Variants in DLG2 observed in about 807,000 individuals in gnomAD.
DLG2 encodes the protein discs large MAGUK scaffold protein 2.
In DLG2, 45 loss-of-function variants were observed where a neutral mutation model predicts 132.5. The observed-to-expected ratio is 0.34, with a 90% confidence interval of 0.27 to 0.44. The LOEUF is 0.44. Among genes scored for constraint, DLG2 ranks in the 20% least tolerant of loss-of-function variants. The pLI, the probability that DLG2 is intolerant of heterozygous loss-of-function variation, is 1.00. For missense variants in DLG2, 1,045 were observed against 1,196.9 expected, an observed-to-expected ratio of 0.87 and a Z score of 1.87; for synonymous variants, 424 against 419.6, an observed-to-expected ratio of 1.01 and a Z score of -0.13.
intron 6 of DLG2, among the ~76,000 whole-genome samples, chr11:84,827,538 G>A (rs190530402): frequency 6.5e-4 from 98 of 151,602 alleles, no homozygotes; most frequent in African/African-American, 2.2e-3. Context: ...ACTGGGTATA[G>A]GAGATGAAAT....
intron 10 of DLG2, among the ~76,000 whole-genome samples, chr11:84,082,819 T>A (rs7928597): frequency 2.0e-4 from 30 of 152,170 alleles, no homozygotes; most frequent in African/African-American, 6.0e-4. Context: ...GAATGGTAGC[T>A]ATCATTAGTT....
intron 6 of DLG2, among the ~76,000 whole-genome samples, chr11:84,749,947 C>T (rs931522087): frequency 6.6e-6 from 1 of 152,104 alleles, no homozygotes; most frequent in African/African-American, 2.4e-5. Context: ...ATCCAAAATA[C>T]CTAGAAGAGT....
chr11:84,778,041 A>G (rs2071014505), intron 6 of DLG2, among the ~76,000 whole-genome samples: 1 of 152,118 alleles, frequency 6.6e-6, no homozygotes, highest in Non-Finnish European at 1.5e-5. Context: ...ACCGATATCC[A>G]GAAGAGTTTT....
intron 2 of DLG2, among the ~76,000 whole-genome samples, chr11:85,619,741 G>A (rs1391301955): frequency 3.9e-5 from 6 of 152,100 alleles, no homozygotes; most frequent in Admixed American, 2.0e-4. Flanking sequence ...GGCTGAGCCA[G>A]GAGAATCGCC....
chr11:85,039,118 G>A (rs939871948), intron 6 of DLG2, among the ~76,000 whole-genome samples: 5 of 151,840 alleles, frequency 3.3e-5, no homozygotes, highest in African/African-American at 7.2e-5. Context: ...GTCAGACATT[G>A]TTTATCCTAA....
chr11:83,592,299 A>G (rs1233519126), intron 19 of DLG2, among the ~76,000 whole-genome samples: 4 of 150,092 alleles, frequency 2.7e-5, no homozygotes, highest in Non-Finnish European at 5.9e-5. Flanking sequence ...ACAGAGATAT[A>G]GATCAATGGA....
intron 15 of DLG2, among the ~76,000 whole-genome samples, chr11:83,927,955 G>GAACA (rs1252736790): frequency 6.6e-6 from 1 of 152,130 alleles, no homozygotes; most frequent in Non-Finnish European, 1.5e-5. Flanking sequence ...CAATGCGGTA[G>GAACA]ATGTGTGTGC....
At chr11:84,071,119 G>A (rs2096750037) in intron 10 of DLG2, among the ~76,000 whole-genome samples, 1 of 151,964 alleles carries the variant, frequency 6.6e-6, no homozygotes, top group Admixed American at 6.6e-5. Flanking sequence ...TTTGAGAAGG[G>A]TCTCATTCTG....
chr11:84,163,622 C>A, intron 8 of DLG2, 111 bp from the exon 9 acceptor site: 1 of 822,162 alleles, frequency 1.2e-6, no homozygotes, highest in Non-Finnish European at 1.9e-6. Flanking sequence ...CTATAAATAA[C>A]CACATTTTCT....
intron 27 of DLG2, among the ~76,000 whole-genome samples, chr11:83,460,310 C>T (rs542318313): frequency 3.3e-5 from 5 of 152,236 alleles, no homozygotes; most frequent in African/African-American, 9.6e-5. Flanking sequence ...AGAAAACTGG[C>T]CTTACAGTCT....
At chr11:83,972,548 C>T (rs1310260446) in intron 12 of DLG2, among the ~76,000 whole-genome samples, 1 of 152,070 alleles carries the variant, frequency 6.6e-6, no homozygotes, top group Non-Finnish European at 1.5e-5. Flanking sequence ...ATGATCTTCT[C>T]AAGGGCAACT....
intron 7 of DLG2, among the ~76,000 whole-genome samples, chr11:84,502,229 T>TCCTTCCTTCCTTC: frequency 4.2e-5 from 1 of 23,846 alleles, no homozygotes; most frequent in African/African-American, 6.2e-4. Flanking sequence ...CTTCCTTCCT[T>TCCTTCCTTCCTTC]CCTTCCTTCC....
chr11:83,759,934 C>T (rs1483921718), intron 18 of DLG2, among the ~76,000 whole-genome samples: 1 of 152,162 alleles, frequency 6.6e-6, no homozygotes, highest in African/African-American at 2.4e-5. Context: ...AAAACGGAAT[C>T]TTGAAGCTCC....
chr11:83,584,447 A>G (rs2097046047), intron 19 of DLG2, among the ~76,000 whole-genome samples: 1 of 152,218 alleles, frequency 6.6e-6, no homozygotes, highest in Admixed American at 6.5e-5. Context: ...GAATAACTTA[A>G]GGTCTATGTG....
chr11:85,033,655 A>T (rs971892680), intron 6 of DLG2, among the ~76,000 whole-genome samples: 1 of 152,224 alleles, frequency 6.6e-6, no homozygotes, highest in South Asian at 2.1e-4. Flanking sequence ...ACTCAGATTC[A>T]TAATTGTTTG....
intron 3 of DLG2, among the ~76,000 whole-genome samples, chr11:85,525,567 C>A (rs2074679408): frequency 6.6e-6 from 1 of 152,066 alleles, no homozygotes; most frequent in Non-Finnish European, 1.5e-5. Flanking sequence ...TACTATGAAA[C>A]AGGATGGAGT....
chr11:84,253,207 A>G (rs1241077207), intron 7 of DLG2, among the ~76,000 whole-genome samples: 4 of 152,110 alleles, frequency 2.6e-5, no homozygotes, highest in Non-Finnish European at 4.4e-5. Flanking sequence ...GAGAAGAGAA[A>G]AAGGTATGAG....
chr11:84,215,205 C>G (rs2096820596), intron 8 of DLG2, among the ~76,000 whole-genome samples: 1 of 152,146 alleles, frequency 6.6e-6, no homozygotes, highest in African/African-American at 2.4e-5. Flanking sequence ...TTTCAAAAAT[C>G]ATACTCTGAA....
chr11:85,236,697 T>C (rs1310948987), intron 4 of DLG2, among the ~76,000 whole-genome samples: 3 of 152,000 alleles, frequency 2.0e-5, no homozygotes, highest in Non-Finnish European at 4.4e-5. Context: ...CTCAAATAAC[T>C]ATGCAAGATT....
Sources: gnomAD v4.1 joint callset for allele counts (sites outside exome capture counted in the v4.1 genomes callset) on GRCh38, gnomAD v4.1.1 for gene constraint, MANE v1.5 for transcripts, NCBI Gene and HGNC (gene_info 2026-07-23, HGNC 2026-07-21) for gene names.